The following SLFN14 variants were observed in gnomAD, a reference collection of about 807,000 sequenced individuals.
SLFN14 encodes the protein schlafen family member 14.
Under a neutral mutation model 58.6 loss-of-function variants are expected in SLFN14, and 47 were observed. The observed-to-expected ratio is 0.80, with a 90% CI of 0.64 to 1.02. The LOEUF is 1.02. SLFN14 is among the 50% of genes least tolerant of loss of function. SLFN14 has a pLI of 0.00. For synonymous variants in SLFN14, 390 were observed against 387.3 expected, an observed-to-expected ratio of 1.01 and a Z score of -0.08; for missense variants, 967 against 1,078.4, an observed-to-expected ratio of 0.90 and a Z score of 1.45.
Position 35,552,815 on chromosome 17 carries a change from T to C in SLFN14, c.1819A>G (p.Met607Val), listed in dbSNP as rs992137124. The change falls in exon 5 of 6, where the codon ATG (methionine) becomes GTG (valine). Residue 607 changes from methionine (M) to valine (V), a missense_variant. By Grantham distance (21) the Met-to-Val change is conservative (BLOSUM62 1). Coordinates refer to ENST00000674182, the MANE Select transcript of SLFN14 (RefSeq NM_001129820.2). ...TGAAACAAGTCCTTAATTTTCTCCA[T>C]GATCTTTATGGCTAGGGCTGTCTTC... is the stretch of plus-strand genomic sequence containing the variant. ...VRKTALAIKI[M>V]EKIKDLFHCK... 37 of 1,550,180 alleles carry C rather than the reference T, an allele frequency of 2.4e-5. No homozygotes were observed. Among genetic ancestry groups the C allele is most frequent in the South Asian group, 8.3e-5 (7 of 84,036 alleles).
chr17:35,553,610 C>G (rs181229053), intron 4 of SLFN14, 166 bp from the exon 5 acceptor site: 19 of 628,764 alleles, frequency 3.0e-5, no homozygotes, highest in African/African-American at 2.2e-4. Context: ...AACTCTCCCC[C>G]ATCCCCACGG....
Position 35,548,731 on chromosome 17 carries a change from G to C in SLFN14, c.2247C>G (p.Ile749Met). 6.4e-7 allele frequency: 1 copy of C among 1,551,646 alleles called. No homozygotes were observed. The highest frequency in any genetic ancestry group is 8.7e-7 in the Non-Finnish European group (1 of 1,146,946). The change falls in exon 6 of 6, where the codon ATC becomes ATG. Residue 749 changes from isoleucine (I) to methionine (M), a missense_variant. Physicochemically the swap from Ile to Met is conservative, Grantham distance 10 (BLOSUM62 1). Coordinates refer to ENST00000674182, the MANE Select transcript of SLFN14 (RefSeq NM_001129820.2). The stretch of plus-strand genomic sequence containing the variant: ...ACATGTTGGAGGGAGGATTTTCTTT[G>C]ATCCTCTTCATTTCTTCTTTCATAA... Reference protein sequence around the residue: ...AKVMKEEMKRIKENPPSNMSP... With the variant: ...AKVMKEEMKRMKENPPSNMSP...
Position 35,548,285 on chromosome 17 carries a change from G to C in SLFN14, c.2693C>G (p.Ala898Gly). 2 of 1,551,650 alleles carry C rather than the reference G, an allele frequency of 1.3e-6. No individual in the cohort carries two copies. Among genetic ancestry groups the C allele is most frequent in the African/African-American group, 2.7e-5 (2 of 73,152 alleles). Reference sequence around the variant, plus strand: ...ATAAAGCAGGTAGAGGTGTTTAATGGCTCTTGAAGCAAAGCAGAGCTTATG... The same window carrying C: ...ATAAAGCAGGTAGAGGTGTTTAATGCCTCTTGAAGCAAAGCAGAGCTTATG... ...EFHKLCFASR[A>G]IKHLYLLYEK... The change falls in exon 6 of 6, where the codon GCC becomes GGC. Residue 898 changes from alanine to glycine, a missense_variant. Physicochemically the swap from Ala to Gly is moderately conservative, Grantham distance 60. Transcript: ENST00000674182.
intron 1 of SLFN14, among the ~76,000 whole-genome samples, chr17:35,560,097 T>C (rs2072686543): frequency 6.6e-6 from 1 of 152,234 alleles, no homozygotes; most frequent in African/African-American, 2.4e-5. Flanking sequence ...TTCTAATTTC[T>C]GACGTCTGTG....
chr17:35,553,231 A>G lies in SLFN14; in HGVS notation c.1403T>C (p.Val468Ala). Reference protein sequence around the residue: ...ALLIAVNSPVVLYTILIDPNW... With the variant: ...ALLIAVNSPVALYTILIDPNW... ...GGGGTCTATTAAGATTGTATAGAGT[A>G]CCACGGGGCTGTTAACTGCTATCAG... Residue 468 changes from valine to alanine, a missense_variant, in exon 5 of 6, where the codon GTA (valine) becomes GCA (alanine). Coordinates refer to ENST00000674182, the MANE Select transcript of SLFN14 (RefSeq NM_001129820.2). The G allele has an allele frequency of 6.4e-7, 1 of 1,551,734 alleles. No individual in the cohort carries two copies. Among genetic ancestry groups the G allele is most frequent in the Non-Finnish European group, 8.7e-7 (1 of 1,147,002 alleles).
intron 2 of SLFN14, among the ~76,000 whole-genome samples, chr17:35,559,034 AC>A (rs2072679011): frequency 6.7e-6 from 1 of 149,670 alleles, no homozygotes; most frequent in Non-Finnish European, 1.5e-5. Flanking sequence ...ACATAGCAAG[AC>A]CCCATCTCGA....
In SLFN14 at chr17:35,557,809, T is replaced by A; in HGVS notation, c.254A>T (p.Gln85Leu). The change falls in exon 3 of 6, where the codon CAA (glutamine) becomes CTA (leucine). Residue 85 changes from glutamine to leucine, a missense_variant. Physicochemically the swap from Gln to Leu is moderately radical, Grantham distance 113. Transcript: ENST00000674182. The part of the protein sequence containing the change: ...GLGQDLETSF[Q>L]KLLPSGSQKY... ...CTGTGAACCTGAAGGAAGGAGCTTT[T>A]GAAAAGAAGTTTCCAAATCCTGTCC... 1 of 1,551,736 alleles carries A rather than the reference T, an allele frequency of 6.4e-7. No homozygotes were observed.
chr17:35,553,221 T>C lies in SLFN14; in HGVS notation c.1413A>G (p.Thr471=). Residue 471 remains threonine (T), a synonymous_variant, in exon 5 of 6, where the codon ACA becomes ACG. Transcript: ENST00000674182. ...IAVNSPVVLY[T]ILIDPNWPGG... is the part of the protein sequence containing the mutation. ...CAGGCCAATTGGGGTCTATTAAGAT[T>C]GTATAGAGTACCACGGGGCTGTTAA... The C allele has an allele frequency of 6.4e-7, 1 of 1,551,676 alleles. No individual in the cohort carries two copies. The highest frequency in any genetic ancestry group is 8.7e-7 in the Non-Finnish European group (1 of 1,146,994).
rs576920564 is a variant in SLFN14 at position 35,557,995 on chromosome 17, A to G, written c.68T>C (p.Ile23Thr). The G allele has an allele frequency of 1.9e-6, 3 of 1,551,608 alleles. No homozygotes were observed. The highest frequency in any genetic ancestry group is 1.7e-6 in the Non-Finnish European group (2 of 1,146,992). ...PEVIVDVGRV[I>T]FGEENRKKMT... ...CTTCTTCCTGTTTTCTTCTCCAAAA[A>G]TCACTCTGCCCACATCTACTATTAC... Residue 23 changes from isoleucine (I) to threonine (T), a missense_variant, in exon 3 of 6, where the codon ATT (isoleucine) becomes ACT (threonine). Coordinates refer to ENST00000674182, the MANE Select transcript of SLFN14 (RefSeq NM_001129820.2).
Position 35,546,053 on chromosome 17 carries a change from A to T in SLFN14, c.*2186T>A, listed in dbSNP as rs72828031. ...CAATTCTTTACAAATCAATTCTTTT[A>T]TTAAAAATTATATGATGCATGCATA... On this transcript the variant is annotated 3_prime_UTR_variant, in exon 6 of 6. Transcript: ENST00000674182. Among the ~76,000 whole-genome samples, 194 of 152,372 alleles carry T rather than the reference A, an allele frequency of 1.3e-3. No individual in the cohort carries two copies. Among genetic ancestry groups the T allele is most frequent in the Admixed American group, 2.6e-3 (40 of 15,300 alleles).
Position 35,558,115 on chromosome 17 carries a change from A to G in SLFN14, c.-44-9T>C, listed in dbSNP as rs1326799585. On this transcript the variant is annotated splice_polypyrimidine_tract_variant and intron_variant, in intron 2 of 5. Transcript: ENST00000674182. ...ATAAAAGAAAGGAGTTCCTATAATC[A>G]GGACAGAAATATTGTTTCTATATTA... The G allele has an allele frequency of 7.1e-7, 1 of 1,415,454 alleles. No individual in the cohort carries two copies. Among genetic ancestry groups the G allele is most frequent in the African/African-American group, 1.4e-5 (1 of 69,042 alleles). 87.7% of individuals were successfully genotyped at this position (1,415,454 alleles called of 1,614,324 possible). A position where few individuals can be genotyped will look rare whatever the true frequency, so the allele number is the denominator to read the frequency against.
rs1276759647 is a variant in SLFN14, at chr17:35,553,375, A to G, written c.1259T>C (p.Leu420Pro). Residue 420 changes from leucine to proline, a missense_variant, in exon 5 of 6, where the codon CTG (leucine) becomes CCG (proline). Coordinates refer to ENST00000674182, the MANE Select transcript of SLFN14 (RefSeq NM_001129820.2). ...CKKLFSDHKE[L>P]EGLMKTLIHP... Reference sequence around the variant, plus strand: ...TATCAGGGTCTTCATTAAACCCTCCAGTTCTTTATGATCTGAGAACAGCTT... The same window carrying G: ...TATCAGGGTCTTCATTAAACCCTCCGGTTCTTTATGATCTGAGAACAGCTT... The G allele has an allele frequency of 6.4e-7, 1 of 1,551,500 alleles. No homozygotes were observed.
At position 35,557,275 on chromosome 17, in the gene SLFN14, T is replaced by A. The variant is rs2072661152; in HGVS notation, c.788A>T (p.Asn263Ile). ...EVVGCKWEKV[N>I]PDLLKKEIEN... is the part of the protein sequence containing the mutation. The stretch of plus-strand genomic sequence containing the variant: ...GATTTCTTTTTTTAGTAAGTCAGGA[T>A]TCACTTTTTCCCACTTACATCCAAC... Residue 263 changes from asparagine to isoleucine, a missense_variant, in exon 3 of 6, where the codon AAT becomes ATT. Asn to Ile is a moderately radical substitution (Grantham distance 149). Coordinates refer to ENST00000674182, the MANE Select transcript of SLFN14 (RefSeq NM_001129820.2). 1 of 1,551,718 alleles carries A rather than the reference T, an allele frequency of 6.4e-7. No homozygotes were observed. Among genetic ancestry groups the A allele is most frequent in the Non-Finnish European group, 8.7e-7 (1 of 1,146,992 alleles).
chr17:35,557,111 A>G lies in SLFN14; in HGVS notation c.952T>C (p.Cys318Arg). ...GGGGCCTCTGCAAACACCACGCAAC[A>G]GAAGGGCTCCACTTGAATCACACAG... is the stretch of plus-strand genomic sequence containing the variant. ...YVCVIQVEPF[C>R]CVVFAEAPDS... The change falls in exon 3 of 6, where the codon TGT becomes CGT. Residue 318 changes from cysteine to arginine, a missense_variant. Transcript: ENST00000674182. The G allele has an allele frequency of 1.3e-6, 2 of 1,551,714 alleles. No homozygotes were observed. Among genetic ancestry groups the G allele is most frequent in the East Asian group, 2.4e-5 (1 of 40,922 alleles).
At position 35,544,321 on chromosome 17, in the gene SLFN14, G is replaced by C. The variant is rs1226548544; in HGVS notation, c.*3918C>G. ...TAACTACAAAGGGTATAGATATAGA[G>C]AGGTAGGAAATATTGGGAACAATAA... On this transcript the variant is annotated 3_prime_UTR_variant, in exon 6 of 6. Coordinates refer to ENST00000674182, the MANE Select transcript of SLFN14 (RefSeq NM_001129820.2). Among the ~76,000 whole-genome samples the C allele has an allele frequency of 1.3e-5, 2 of 152,152 alleles. No individual in the cohort carries two copies. The highest frequency in any genetic ancestry group is 3.8e-4 in the East Asian group (2 of 5,198).
Position 35,557,027 on chromosome 17 carries a change from C to G in SLFN14, c.1036G>C (p.Val346Leu), listed in dbSNP as rs1041186991. 3.2e-6 allele frequency: 5 copies of G among 1,551,274 alleles called. No individual in the cohort carries two copies. The African/African-American group carries it at 6.8e-5, about 21-fold the overall frequency. Residue 346 changes from valine to leucine, a missense_variant, in exon 3 of 6, where the codon GTC becomes CTC. Val to Leu is a conservative substitution (Grantham distance 32, BLOSUM62 1). Coordinates refer to ENST00000674182, the MANE Select transcript of SLFN14 (RefSeq NM_001129820.2). ...CCTGACTGAGTATCCAGCATCATGA[C>G]CACCCACTGCTCAGCTGTCAGCCGT... The part of the protein sequence containing the change: ...VTRLTAEQWV[V>L]MMLDTQSAPP...
At chr17:35,549,140 C>G (rs866085366) in intron 5 of SLFN14, 67 bp from the exon 6 acceptor site, 1 of 1,263,716 alleles carries the variant, frequency 7.9e-7, no homozygotes, top group African/African-American at 1.5e-5. Flanking sequence ...TCATTACTCT[C>G]TGGAATGGAA....
chr17:35,549,834 C>T (rs1475888805), intron 5 of SLFN14, among the ~76,000 whole-genome samples: 2 of 152,174 alleles, frequency 1.3e-5, no homozygotes, highest in Non-Finnish European at 2.9e-5. Flanking sequence ...ATGTTCTTCT[C>T]TTCTGGTTTG....
Position 35,557,666 on chromosome 17 carries a change from T to C in SLFN14, c.397A>G (p.Arg133Gly). 6.4e-7 allele frequency: 1 copy of C among 1,551,708 alleles called. No homozygotes were observed. Among genetic ancestry groups the C allele is most frequent in the Non-Finnish European group, 8.7e-7 (1 of 1,146,994 alleles). ...ICSLRSNLYRRDVTSAINLSA... is the reference protein window; with the variant it reads ...ICSLRSNLYRGDVTSAINLSA... The stretch of plus-strand genomic sequence containing the variant: ...AAGTTGATAGCAGAAGTCACATCTC[T>C]CCGATACAAATTGGAGCGCAAGCTG... Residue 133 changes from arginine (R) to glycine (G), a missense_variant, in exon 3 of 6, where the codon AGA becomes GGA. Coordinates refer to ENST00000674182, the MANE Select transcript of SLFN14 (RefSeq NM_001129820.2).
Sources: allele counts gnomAD v4.1 joint callset (sites outside exome capture counted in the v4.1 genomes callset), GRCh38; gene constraint gnomAD v4.1.1; transcripts MANE v1.5; gene names NCBI Gene and HGNC (gene_info 2026-07-23, HGNC 2026-07-21).